CRPPA: variants seen among roughly 807,000 people sequenced by gnomAD.
CRPPA encodes the protein D-ribitol-5-phosphate cytidylyltransferase.
A neutral mutation model predicts 52.0 loss-of-function variants in CRPPA; 43 were observed. The ratio of observed to expected loss-of-function variants is 0.83; its 90% CI spans 0.65 to 1.07. The LOEUF (loss-of-function observed/expected upper bound fraction) is 1.07. Ranked by LOEUF, CRPPA falls within the 50% of genes least tolerant of loss-of-function variation. The pLI, the probability that CRPPA is intolerant of heterozygous loss-of-function variation, is 0.00. For synonymous variants in CRPPA, 250 were observed against 203.5 expected, an observed-to-expected ratio of 1.23 and a Z score of -1.94; for missense variants, 629 against 551.7, an observed-to-expected ratio of 1.14 and a Z score of -1.40.
At chr7:16,366,871 A>G (rs1430523811) in intron 3 of CRPPA, among the ~76,000 whole-genome samples, 1 of 152,030 alleles carries the variant, frequency 6.6e-6, no homozygotes, top group East Asian at 1.9e-4. Context: ...TTCCAAGTCC[A>G]TCACCAAGAT....
chr7:16,182,082 C>T (rs532179916), intron 9 of CRPPA, among the ~76,000 whole-genome samples: 1 of 152,000 alleles, frequency 6.6e-6, no homozygotes, highest in South Asian at 2.1e-4. Flanking sequence ...TAAATAAAAA[C>T]ATATGTAATA....
chr7:16,298,716 T>G lies in CRPPA; in HGVS notation c.835+2705A>C, dbSNP rs138149647. On this transcript the variant is annotated intron_variant, in intron 5 of 9. Transcript: ENST00000407010. ...TAGCTGGTAAAACATTATTATTGAG[T>G]GTGCCTATGAGGGTGTTTCCAGAAC... Among the ~76,000 whole-genome samples the G allele has an allele frequency of 7.3e-3, 1,109 of 152,318 alleles. 7 individuals are homozygous for G. Among genetic ancestry groups the G allele is most frequent in the Non-Finnish European group, 0.013 (865 of 68,020 alleles).
intron 3 of CRPPA, among the ~76,000 whole-genome samples, chr7:16,351,287 G>T (rs1583540581): frequency 6.6e-6 from 1 of 151,954 alleles, no homozygotes; most frequent in African/African-American, 2.4e-5. Context: ...TTAAACCTAG[G>T]TCCTCAAACC....
intron 9 of CRPPA, among the ~76,000 whole-genome samples, chr7:16,193,134 G>T (rs1781651245): frequency 1.3e-5 from 2 of 152,098 alleles, no homozygotes; most frequent in Non-Finnish European, 2.9e-5. Flanking sequence ...CAGCTCACTT[G>T]GTGGAGAACT....
At chr7:16,140,618 G>A (rs1406052449) in intron 9 of CRPPA, among the ~76,000 whole-genome samples, 3 of 152,170 alleles carry the variant, frequency 2.0e-5, no homozygotes, top group South Asian at 4.1e-4. Flanking sequence ...GCAAACTATG[G>A]CATTATATAA....
chr7:16,201,429 T>C (rs142977900), intron 9 of CRPPA, among the ~76,000 whole-genome samples: 1 of 152,196 alleles, frequency 6.6e-6, no homozygotes, highest in Non-Finnish European at 1.5e-5. Context: ...TCAAATGGTA[T>C]CTTTTCCAAG....
chr7:16,114,091 T>C (rs1283547760), intron 9 of CRPPA, among the ~76,000 whole-genome samples: 1 of 151,756 alleles, frequency 6.6e-6, no homozygotes, highest in Non-Finnish European at 1.5e-5. Context: ...GAAAGTAAAA[T>C]ACTGACTTCA....
At chr7:16,383,759 A>T (rs1209443213) in intron 2 of CRPPA, among the ~76,000 whole-genome samples, 1 of 152,208 alleles carries the variant, frequency 6.6e-6, no homozygotes, top group Admixed American at 6.5e-5. Flanking sequence ...CTGCTGCGCT[A>T]GCAATCAGCG....
intron 6 of CRPPA, among the ~76,000 whole-genome samples, chr7:16,268,613 C>T (rs546572039): frequency 1.2e-4 from 18 of 152,220 alleles, no homozygotes; most frequent in Middle Eastern, 3.4e-3. Flanking sequence ...GGATAAATTA[C>T]ATTTTGAACA....
chr7:16,106,582 G>C (rs1446212896), intron 9 of CRPPA, among the ~76,000 whole-genome samples: 1 of 152,166 alleles, frequency 6.6e-6, no homozygotes, highest in Admixed American at 6.5e-5. Context: ...ACCCGTCTGG[G>C]GTTGTTACCA....
At chr7:16,360,001 C>T (rs1466750042) in intron 3 of CRPPA, among the ~76,000 whole-genome samples, 1 of 152,178 alleles carries the variant, frequency 6.6e-6, no homozygotes, top group African/African-American at 2.4e-5. Flanking sequence ...TCTATGTCCT[C>T]CATTTTATTT....
chr7:16,197,125 A>T (rs764707712), intron 9 of CRPPA, among the ~76,000 whole-genome samples: 11 of 152,124 alleles, frequency 7.2e-5, no homozygotes, highest in South Asian at 2.1e-4. Flanking sequence ...AACCTGAAGA[A>T]TGCTGGAGGG....
intron 9 of CRPPA, among the ~76,000 whole-genome samples, chr7:16,214,802 CAA>C (rs1782260675): frequency 6.6e-6 from 1 of 152,166 alleles, no homozygotes; most frequent in South Asian, 2.1e-4. Context: ...TGAGCCACCA[CAA>C]AGAGAGAATA....
intron 9 of CRPPA, among the ~76,000 whole-genome samples, chr7:16,119,702 T>C (rs1025868377): frequency 2.0e-5 from 3 of 152,294 alleles, no homozygotes; most frequent in East Asian, 1.9e-4. Context: ...CCAGAAAATA[T>C]AGACTTCAAA....
At chr7:16,303,476 G>GAAAAAAAAAAAAAAAAAAAAA (rs1220693015) in intron 4 of CRPPA, among the ~76,000 whole-genome samples, 1 of 6,392 alleles carries the variant, frequency 1.6e-4, no homozygotes. Context: ...ACATAAAATA[G>GAAAAAAAAAAAAAAAAAAAAA]TAAAAAAAAA....
At chr7:16,345,295 G>A (rs1236303219) in intron 3 of CRPPA, among the ~76,000 whole-genome samples, 2 of 152,078 alleles carry the variant, frequency 1.3e-5, no homozygotes, top group Non-Finnish European at 2.9e-5. Context: ...GACATTCCCA[G>A]GTAAGCAAAA....
chr7:16,351,094 T>C (rs150322713), intron 3 of CRPPA, among the ~76,000 whole-genome samples: 19 of 152,108 alleles, frequency 1.2e-4, no homozygotes, highest in Non-Finnish European at 2.5e-4. Context: ...CATCTAAATA[T>C]ATAAAGCAAA....
chr7:16,137,911 A>C (rs10226581), intron 9 of CRPPA, among the ~76,000 whole-genome samples: 18,509 of 152,218 alleles, frequency 0.12, 1,601 homozygotes, highest in East Asian at 0.23. Flanking sequence ...TTATAATTTT[A>C]TACAAAATAT....
chr7:16,328,852 G>C (rs1010485677), intron 3 of CRPPA, among the ~76,000 whole-genome samples: 48 of 152,086 alleles, frequency 3.2e-4, no homozygotes, highest in African/African-American at 1.1e-3. Flanking sequence ...ACTGCATTTT[G>C]AGAGAGAATA....
Sources: gnomAD v4.1 joint callset for allele counts (sites outside exome capture counted in the v4.1 genomes callset) on GRCh38, gnomAD v4.1.1 for gene constraint, MANE v1.5 for transcripts, NCBI Gene and HGNC (gene_info 2026-07-23, HGNC 2026-07-21) for gene names.